ZNF235: variants seen among roughly 807,000 people sequenced by gnomAD.
The protein encoded by ZNF235 is zfp-93.
Under a neutral mutation model 29.4 loss-of-function variants are expected in ZNF235, and 25 were observed. That is an observed-to-expected ratio of 0.85 (90% CI 0.62 to 1.19). ZNF235 has a LOEUF of 1.19. Ranked by LOEUF, ZNF235 falls within the 50% of genes most tolerant of loss-of-function variation. ZNF235 has a pLI of 0.00. For missense variants in ZNF235, 788 were observed against 885.0 expected (o/e 0.89, Z 1.39); for synonymous variants, 300 against 295.3 (o/e 1.02, Z -0.16).
intron 1 of ZNF235, 39 bp from the exon 2 acceptor site, chr19:44,303,491 G>A: frequency 4.5e-6 from 7 of 1,559,036 alleles, no homozygotes; most frequent in Non-Finnish European, 6.1e-6. Context: ...GGTTAGGGAT[G>A]GCATTAGTCA....
rs1280945023 is a variant in ZNF235 at position 44,298,832 on chromosome 19, GAAGCTCCTTCATCCA to G, written c.199_213del (p.Trp67_Leu71del). 1 of 1,613,862 alleles carries G rather than the reference GAAGCTCCTTCATCCA, an allele frequency of 6.2e-7. No individual in the cohort carries two copies. Among genetic ancestry groups the G allele is most frequent in the Non-Finnish European group, 8.5e-7 (1 of 1,179,858 alleles). On this transcript the variant is annotated inframe_deletion, in exon 4 of 5. Coordinates refer to ENST00000291182, the MANE Select transcript of ZNF235 (RefSeq NM_004234.4). ...CCTGAATGCTTACCTCTTTGGGTTT[GAAGCTCCTTCATCCA>G]AAGCTTTTCTTCCCTCTCCAACTGG...
chr19:44,296,253 A>G (rs1975652992), intron 4 of ZNF235, among the ~76,000 whole-genome samples: 1 of 152,212 alleles, frequency 6.6e-6, no homozygotes, highest in African/African-American at 2.4e-5. Flanking sequence ...AACAGCAGAA[A>G]GTTGATAACT....
intron 2 of ZNF235, among the ~76,000 whole-genome samples, chr19:44,303,131 A>G (rs1975778630): frequency 7.0e-6 from 1 of 143,722 alleles, no homozygotes; most frequent in South Asian, 2.1e-4. Flanking sequence ...ATACATATAT[A>G]TTTGTATATA....
chr19:44,296,720 G>A (rs867440373), intron 4 of ZNF235, among the ~76,000 whole-genome samples: 2 of 151,968 alleles, frequency 1.3e-5, no homozygotes, highest in South Asian at 2.1e-4. Context: ...AGTACATACA[G>A]AACATTTTCT....
intron 4 of ZNF235, among the ~76,000 whole-genome samples, chr19:44,291,624 T>A (rs933864742): frequency 1.3e-5 from 2 of 152,174 alleles, no homozygotes; most frequent in African/African-American, 4.8e-5. Context: ...AAGGGACTTA[T>A]GAACTTTATG....
intron 4 of ZNF235, among the ~76,000 whole-genome samples, chr19:44,291,669 A>AT (rs1880486655): frequency 6.6e-6 from 1 of 152,144 alleles, no homozygotes; most frequent in African/African-American, 2.4e-5. Flanking sequence ...AACTGGACAA[A>AT]TTTCTTGAAA....
intron 4 of ZNF235, among the ~76,000 whole-genome samples, chr19:44,292,320 C>G (rs1285227197): frequency 1.3e-5 from 2 of 150,614 alleles, no homozygotes; most frequent in Non-Finnish European, 3.0e-5. Flanking sequence ...ATTTGAAAAG[C>G]AATACAAAAA....
chr19:44,288,610 G>A lies in ZNF235; in HGVS notation c.825C>T (p.Ser275=). The change falls in exon 5 of 5, where the codon AGC becomes AGT. Residue 275 remains serine (S), a synonymous_variant. Coordinates refer to ENST00000291182, the MANE Select transcript of ZNF235 (RefSeq NM_004234.4). ...CCTGTTTATGAAGTTCAAGACTGGA[G>A]CTATCATTGAAGGCTTCTTCACATT... ...GNECEEAFND[S]SSLELHKQVH... is the part of the protein sequence containing the mutation. 1.2e-6 allele frequency: 2 copies of A among 1,614,084 alleles called. No individual in the cohort carries two copies. Among genetic ancestry groups the A allele is most frequent in the Non-Finnish European group, 1.7e-6 (2 of 1,179,980 alleles).
intron 1 of ZNF235, 147 bp downstream of exon 1, chr19:44,304,824 G>T: frequency 1.0e-6 from 1 of 985,450 alleles, no homozygotes; most frequent in African/African-American, 1.7e-5. Context: ...GTTCTGCCGA[G>T]GGGACGCAAA....
chr19:44,299,631 C>T lies in ZNF235; in HGVS notation c.117G>A (p.Glu39=), dbSNP rs758272749. 6.2e-7 allele frequency: 1 copy of T among 1,614,138 alleles called. No homozygotes were observed. The highest frequency in any genetic ancestry group is 1.7e-4 in the Middle Eastern group (1 of 6,060). ...QRKLYRDVML[E]NFRNLVSVGH... ...CCACTGAAACCAGGTTCCTAAAGTT[C>T]TCCAGCATCACATCTCGGTACAGCT... is the stretch of plus-strand genomic sequence containing the variant. The change falls in exon 3 of 5, where the codon GAG becomes GAA. Residue 39 remains glutamate (E), a synonymous_variant. Transcript: ENST00000291182.
intron 4 of ZNF235, among the ~76,000 whole-genome samples, chr19:44,294,743 A>G (rs1054046927): frequency 6.6e-6 from 1 of 151,970 alleles, no homozygotes. Flanking sequence ...AGCCACCATG[A>G]TCGAGTGGGT....
intron 4 of ZNF235, among the ~76,000 whole-genome samples, chr19:44,296,711 G>A (rs1309582001): frequency 2.0e-5 from 3 of 152,054 alleles, no homozygotes; most frequent in Non-Finnish European, 4.4e-5. Context: ...TTTTTCTGAA[G>A]TACATACAGA....
Position 44,288,032 on chromosome 19 carries a change from A to C in ZNF235, c.1403T>G (p.Phe468Cys), listed in dbSNP as rs573633781. 1.2e-6 allele frequency: 2 copies of C among 1,613,864 alleles called. No homozygotes were observed. Among genetic ancestry groups the C allele is most frequent in the East Asian group, 2.2e-5 (1 of 44,860 alleles). ...PYKCDECGKC[F>C]SLSFNLHSHQ... The stretch of plus-strand genomic sequence containing the variant: ...ACTATGAAGATTAAAGCTCAAACTA[A>C]AGCACTTACCACACTCATCACATTT... The change falls in exon 5 of 5, where the codon TTT becomes TGT. Residue 468 changes from phenylalanine (F) to cysteine (C), a missense_variant. Coordinates refer to ENST00000291182, the MANE Select transcript of ZNF235 (RefSeq NM_004234.4).
intron 1 of ZNF235, among the ~76,000 whole-genome samples, chr19:44,304,197 T>C (rs929257006): frequency 6.6e-6 from 1 of 152,130 alleles, no homozygotes; most frequent in African/African-American, 2.4e-5. Context: ...ATGAAAGCAA[T>C]GACTAATAAA....
chr19:44,288,344 G>T lies in ZNF235; in HGVS notation c.1091C>A (p.Ala364Asp), dbSNP rs1975526854. ...KSFNQSSHLYAHLPIHTGEKP... is the reference protein window; with the variant it reads ...KSFNQSSHLYDHLPIHTGEKP... ...CTCTCCTGTGTGAATAGGCAAATGA[G>T]CATAAAGATGTGAGCTCTGATTAAA... The change falls in exon 5 of 5, where the codon GCT becomes GAT. Residue 364 changes from alanine to aspartate, a missense_variant. Ala to Asp is a moderately radical substitution (Grantham distance 126, BLOSUM62 -2). Coordinates refer to ENST00000291182, the MANE Select transcript of ZNF235 (RefSeq NM_004234.4). The T allele has an allele frequency of 6.2e-7, 1 of 1,613,620 alleles. No homozygotes were observed. The highest frequency in any genetic ancestry group is 1.3e-5 in the African/African-American group (1 of 74,800).
Position 44,287,866 on chromosome 19 carries a change from G to A in ZNF235, c.1569C>T (p.Gly523=). The A allele has an allele frequency of 6.2e-7, 1 of 1,613,836 alleles. No homozygotes were observed. Among genetic ancestry groups the A allele is most frequent in the Non-Finnish European group, 8.5e-7 (1 of 1,179,936 alleles). ...CTTGAAAGTATGAACTCTGACTGAA[G>A]CCTTTCCCACACACGTTGCATCGAA... ...KPFRCNVCGK[G]FSQSSYFQAH... Residue 523 remains glycine, a synonymous_variant, in exon 5 of 5, where the codon GGC becomes GGT. Transcript: ENST00000291182.
intron 2 of ZNF235, among the ~76,000 whole-genome samples, chr19:44,302,374 G>T (rs1975750563): frequency 6.6e-6 from 1 of 152,040 alleles, no homozygotes; most frequent in African/African-American, 2.4e-5. Context: ...TAAAAAGCAG[G>T]TGATATAAAA....
chr19:44,303,482 G>T, intron 1 of ZNF235, 30 bp from the exon 2 acceptor site: 2 of 1,579,090 alleles, frequency 1.3e-6, no homozygotes, highest in East Asian at 2.3e-5. Flanking sequence ...CATGAGATAG[G>T]TTAGGGATGG....
chr19:44,299,549 A>G (rs754391796), intron 3 of ZNF235, 57 bp downstream of exon 3: 1 of 1,601,822 alleles, frequency 6.2e-7, no homozygotes, highest in Non-Finnish European at 8.5e-7. Context: ...GGCCCAAAAC[A>G]TCAATGGCAT....
Sources: allele counts gnomAD v4.1 joint callset (sites outside exome capture counted in the v4.1 genomes callset), GRCh38; gene constraint gnomAD v4.1.1; transcripts MANE v1.5; gene names NCBI Gene and HGNC (gene_info 2026-07-23, HGNC 2026-07-21).